CAMK4: variants seen among roughly 807,000 people sequenced by gnomAD.
CAMK4 encodes the protein calcium/calmodulin dependent protein kinase IV, also known as calcium/calmodulin-dependent protein kinase type IV.
In CAMK4, 22 loss-of-function variants were observed where a neutral mutation model predicts 44.9. That is an observed-to-expected ratio of 0.49 (90% CI 0.35 to 0.70). CAMK4 has a LOEUF of 0.70. CAMK4 is among the 30% of genes least tolerant of loss of function. The pLI, the probability that CAMK4 is intolerant of heterozygous loss-of-function variation, is 0.01. For synonymous variants in CAMK4, 218 were observed against 215.4 expected (o/e 1.01, Z -0.11); for missense variants, 498 against 586.8 (o/e 0.85, Z 1.56).
At position 111,328,073 on chromosome 5, in the gene CAMK4, G is replaced by A. The variant is rs1363501515; in HGVS notation, c.162-15951G>A. Among the ~76,000 whole-genome samples, 91 of 123,182 alleles carry A rather than the reference G, an allele frequency of 7.4e-4. 1 individual carries two copies. The highest frequency in any genetic ancestry group is 3.0e-3 in the Admixed American group (36 of 11,936). 80.8% of individuals were successfully genotyped at this position (123,182 alleles called of 152,430 possible). A position where few individuals can be genotyped will look rare whatever the true frequency, so the allele number is the denominator to read the frequency against. On this transcript the variant is annotated intron_variant, in intron 1 of 10. Coordinates refer to ENST00000282356, the MANE Select transcript of CAMK4 (RefSeq NM_001744.6). The stretch of plus-strand genomic sequence containing the variant: ...CCATTGCTTTTGGTGTTTTAGACAT[G>A]AAGTCCTTGCCCATGCCTGTGTCCT...
chr5:111,226,497 T>C (rs1748199337), intron 1 of CAMK4, among the ~76,000 whole-genome samples: 2 of 152,236 alleles, frequency 1.3e-5, no homozygotes, highest in Admixed American at 1.3e-4. Flanking sequence ...TGAAAATGCA[T>C]TTACTACACC....
chr5:111,369,119 G>T (rs1213609278), intron 2 of CAMK4, among the ~76,000 whole-genome samples: 2 of 151,428 alleles, frequency 1.3e-5, no homozygotes, highest in Admixed American at 1.3e-4. Flanking sequence ...AGGCTGGAGT[G>T]CAGTGGCACA....
chr5:111,366,258 T>C (rs1480516350), intron 2 of CAMK4, among the ~76,000 whole-genome samples: 1 of 152,182 alleles, frequency 6.6e-6, no homozygotes, highest in Non-Finnish European at 1.5e-5. Context: ...ACAAGATTTA[T>C]AGTCTTAATC....
At chr5:111,393,074 T>C (rs1751867190) in intron 4 of CAMK4, among the ~76,000 whole-genome samples, 1 of 152,188 alleles carries the variant, frequency 6.6e-6, no homozygotes, top group African/African-American at 2.4e-5. Flanking sequence ...GAAAAACTAA[T>C]AATTTATCCC....
chr5:111,418,279 A>G (rs1258249535), intron 5 of CAMK4, among the ~76,000 whole-genome samples: 2 of 152,158 alleles, frequency 1.3e-5, no homozygotes, highest in Non-Finnish European at 2.9e-5. Context: ...GGGAGTGTGC[A>G]AATAGGTGTG....
chr5:111,438,882 T>C (rs1264640889), intron 5 of CAMK4, among the ~76,000 whole-genome samples: 1 of 152,222 alleles, frequency 6.6e-6, no homozygotes, highest in Non-Finnish European at 1.5e-5. Flanking sequence ...ATTTAAAATT[T>C]GGAATATTTT....
At chr5:111,320,503 TG>T (rs778101433) in intron 1 of CAMK4, among the ~76,000 whole-genome samples, 6,790 of 152,232 alleles carry the variant, frequency 0.045, 174 homozygotes, top group Middle Eastern at 0.082. Flanking sequence ...TGTTGTTGTT[TG>T]TTTGTTCGTT....
intron 5 of CAMK4, among the ~76,000 whole-genome samples, chr5:111,433,164 A>G (rs1753522342): frequency 6.6e-6 from 1 of 152,196 alleles, no homozygotes; most frequent in African/African-American, 2.4e-5. Context: ...TAAAACAACC[A>G]CTGTCTTATA....
chr5:111,491,167 C>G lies in CAMK4; in HGVS notation c.*6701C>G, dbSNP rs1427906144. ...TCAAATCTCCAAAAATTTTTCAGAA[C>G]TCAAGCAACCAATGATTCACAGAGC... On this transcript the variant is annotated 3_prime_UTR_variant, in exon 11 of 11. Transcript: ENST00000282356. 2.0e-5 allele frequency: 3 copies of G among 152,084 alleles called. No individual in the cohort carries two copies. Among genetic ancestry groups the G allele is most frequent in the Non-Finnish European group, 4.4e-5 (3 of 68,010 alleles). The allele number at this position is 152,084 out of a possible 1,614,324, so 9.4% of individuals were successfully genotyped here.
chr5:111,432,724 G>A (rs1054156348), intron 5 of CAMK4, among the ~76,000 whole-genome samples: 3 of 149,788 alleles, frequency 2.0e-5, no homozygotes, highest in African/African-American at 7.4e-5. Context: ...ACAAATATGT[G>A]CTAGACTTCA....
At chr5:111,474,689 G>T (rs890415669) in intron 8 of CAMK4, among the ~76,000 whole-genome samples, 2 of 152,200 alleles carry the variant, frequency 1.3e-5, no homozygotes, top group African/African-American at 2.4e-5. Flanking sequence ...AGGTGATATG[G>T]ACTAGGAATG....
At chr5:111,295,300 A>G (rs949630220) in intron 1 of CAMK4, among the ~76,000 whole-genome samples, 6 of 152,222 alleles carry the variant, frequency 3.9e-5, no homozygotes, top group African/African-American at 1.4e-4. Flanking sequence ...ACTATTGTCC[A>G]TGTCCCTCCA....
intron 1 of CAMK4, among the ~76,000 whole-genome samples, chr5:111,292,723 A>G (rs1275811937): frequency 6.6e-6 from 1 of 151,830 alleles, no homozygotes; most frequent in Non-Finnish European, 1.5e-5. Flanking sequence ...GGAGTTCGAG[A>G]CCAGCCTGGG....
chr5:111,438,504 G>A (rs540389664), intron 5 of CAMK4, among the ~76,000 whole-genome samples: 5 of 151,936 alleles, frequency 3.3e-5, no homozygotes, highest in Admixed American at 6.6e-5. Flanking sequence ...AAAATTTATT[G>A]TAAAAAATTA....
chr5:111,318,500 A>G (rs1748528192), intron 1 of CAMK4, among the ~76,000 whole-genome samples: 1 of 152,152 alleles, frequency 6.6e-6, no homozygotes. Flanking sequence ...AGCGGGAGTG[A>G]AAGAAAATAT....
chr5:111,343,757 A>T (rs924471648), intron 1 of CAMK4, among the ~76,000 whole-genome samples: 14 of 151,774 alleles, frequency 9.2e-5, no homozygotes, highest in African/African-American at 2.9e-4. Context: ...AGCCTTCTCA[A>T]TGCAGTAGCC....
At chr5:111,420,510 G>T (rs1752987103) in intron 5 of CAMK4, among the ~76,000 whole-genome samples, 1 of 152,096 alleles carries the variant, frequency 6.6e-6, no homozygotes, top group Non-Finnish European at 1.5e-5. Flanking sequence ...GCATCCCTGG[G>T]AGACAGGGTT....
chr5:111,467,246 T>G (rs1052702180), intron 7 of CAMK4, among the ~76,000 whole-genome samples: 6 of 151,562 alleles, frequency 4.0e-5, no homozygotes, highest in African/African-American at 1.5e-4. Flanking sequence ...AGAAGATAAA[T>G]CAGAAAAACC....
chr5:111,320,236 A>G (rs151276852), intron 1 of CAMK4, among the ~76,000 whole-genome samples: 254 of 152,294 alleles, frequency 1.7e-3, no homozygotes, highest in Non-Finnish European at 2.7e-3. Context: ...CTCACATGAC[A>G]TGCTGAGGAA....
Sources: allele counts gnomAD v4.1 joint callset (sites outside exome capture counted in the v4.1 genomes callset), GRCh38; gene constraint gnomAD v4.1.1; transcripts MANE v1.5; gene names NCBI Gene and HGNC (gene_info 2026-07-23, HGNC 2026-07-21).